Variants in C9orf85 observed in about 807,000 individuals in gnomAD.
The protein encoded by C9orf85 is chromosome 9 open reading frame 85.
A neutral mutation model predicts 14.9 loss-of-function variants in C9orf85; 16 were observed. That is an observed-to-expected ratio of 1.08 (90% CI 0.73 to 1.63). The LOEUF is 1.63. Among genes scored for constraint, C9orf85 ranks in the 40% most tolerant of loss-of-function variants. The probability of loss-of-function intolerance (pLI) is 0.00; values close to 1 mark genes in which losing one functional copy is unlikely to be tolerated. For synonymous variants in C9orf85, 45 were observed against 56.8 expected (o/e 0.79, Z 0.93); for missense variants, 172 against 186.1 (o/e 0.92, Z 0.44).
At chr9:71,977,216 TA>T (rs140317277), downstream of C9orf85, among the ~76,000 whole-genome samples, 4,217 of 149,924 alleles carry the variant, frequency 0.028, 121 homozygotes, top group African/African-American at 0.072. Flanking sequence ...TCTTTTGTTG[TA>T]AAAAAAAAAA....
intron 2 of C9orf85, among the ~76,000 whole-genome samples, chr9:71,964,513 C>CCGCACCCCCGTCGGGTGACCCCGGCGG (rs1822631545): frequency 6.6e-6 from 1 of 152,064 alleles, no homozygotes; most frequent in African/African-American, 2.4e-5. Flanking sequence ...ACTCCAGACG[C>CCGCACCCCCGTCGGGTGACCCCGGCGG]GCCGCCTTAA....
At chr9:71,950,589 C>A (rs1196554346) in intron 2 of C9orf85, among the ~76,000 whole-genome samples, 3 of 152,164 alleles carry the variant, frequency 2.0e-5, no homozygotes, top group African/African-American at 7.2e-5. Context: ...CCAGGCTGAT[C>A]TTGAACTCTT....
intron 2 of C9orf85, among the ~76,000 whole-genome samples, chr9:71,951,424 G>A (rs1454795582): frequency 6.6e-6 from 1 of 152,104 alleles, no homozygotes; most frequent in Non-Finnish European, 1.5e-5. Flanking sequence ...GTCTTTATAG[G>A]AATAAAGTGA....
At chr9:71,975,004 A>T (rs1822975577), downstream of C9orf85, among the ~76,000 whole-genome samples, 1 of 152,238 alleles carries the variant, frequency 6.6e-6, no homozygotes, top group South Asian at 2.1e-4. Flanking sequence ...ATACTTAAGG[A>T]TGTAATACTA....
intron 1 of C9orf85, among the ~76,000 whole-genome samples, chr9:71,919,752 C>A (rs1434014928): frequency 6.6e-6 from 1 of 152,098 alleles, no homozygotes; most frequent in Non-Finnish European, 1.5e-5. Flanking sequence ...TCTCTTCTCT[C>A]TTTCACACAG....
At chr9:71,955,202 A>G (rs1822353916) in intron 2 of C9orf85, among the ~76,000 whole-genome samples, 2 of 152,170 alleles carry the variant, frequency 1.3e-5, no homozygotes, top group South Asian at 4.1e-4. Context: ...GTATGTGTCT[A>G]TCAATTGGCA....
chr9:71,936,958 T>C (rs1299610363), intron 1 of C9orf85, among the ~76,000 whole-genome samples: 1 of 151,902 alleles, frequency 6.6e-6, no homozygotes, highest in African/African-American at 2.4e-5. Flanking sequence ...GGGATCTCCC[T>C]GTGTTGCCCA....
At chr9:71,918,442 T>C (rs1324271635) in intron 1 of C9orf85, 6 of 1,303,310 alleles carry the variant, frequency 4.6e-6, no homozygotes, top group Non-Finnish European at 6.1e-6. Context: ...CTGCAAACTC[T>C]AGTCATGATG....
At chr9:71,922,246 G>A (rs1163653775) in intron 1 of C9orf85, among the ~76,000 whole-genome samples, 3 of 151,950 alleles carry the variant, frequency 2.0e-5, no homozygotes, top group Non-Finnish European at 4.4e-5. Flanking sequence ...GCTGGTTGGT[G>A]TTTTAATGTC....
At chr9:71,965,775 A>G (rs1822674618) in intron 2 of C9orf85, among the ~76,000 whole-genome samples, 1 of 152,210 alleles carries the variant, frequency 6.6e-6, no homozygotes, top group Admixed American at 6.5e-5. Context: ...CTTTATCAAG[A>G]AACATGTAAA....
chr9:71,949,021 G>A (rs1238198731), intron 2 of C9orf85, among the ~76,000 whole-genome samples: 2 of 152,332 alleles, frequency 1.3e-5, no homozygotes, highest in South Asian at 4.1e-4. Context: ...CTCTGCTAGA[G>A]TAATTAGATG....
intron 2 of C9orf85, among the ~76,000 whole-genome samples, chr9:71,969,671 A>C (rs1822805102): frequency 6.6e-6 from 1 of 152,168 alleles, no homozygotes; most frequent in African/African-American, 2.4e-5. Context: ...GTAAAAGTTT[A>C]GATAACTTTT....
chr9:71,948,373 A>C (rs1399861355), intron 2 of C9orf85, among the ~76,000 whole-genome samples: 1 of 152,210 alleles, frequency 6.6e-6, no homozygotes, highest in Non-Finnish European at 1.5e-5. Context: ...TGTTTACTTC[A>C]AAATATTTGA....
At chr9:71,926,448 G>C (rs1370352851) in intron 1 of C9orf85, among the ~76,000 whole-genome samples, 1 of 152,082 alleles carries the variant, frequency 6.6e-6, no homozygotes, top group Non-Finnish European at 1.5e-5. Context: ...GAGCTAAGCA[G>C]ACTAAACTTT....
At chr9:71,922,287 T>C (rs1213519142) in intron 1 of C9orf85, among the ~76,000 whole-genome samples, 1 of 152,106 alleles carries the variant, frequency 6.6e-6, no homozygotes, top group Non-Finnish European at 1.5e-5. Context: ...TTATTACTTT[T>C]CCCTATTTGG....
chr9:71,948,077 A>C (rs1589259908), intron 2 of C9orf85, among the ~76,000 whole-genome samples: 1 of 152,342 alleles, frequency 6.6e-6, no homozygotes, highest in South Asian at 2.1e-4. Flanking sequence ...GAGAAAAGTG[A>C]TTATCTTAAA....
chr9:71,980,303 T>C (rs947585195), intron 3 of C9orf85, among the ~76,000 whole-genome samples: 4 of 152,116 alleles, frequency 2.6e-5, no homozygotes, highest in African/African-American at 9.6e-5. Flanking sequence ...TGTAAGCCAT[T>C]ACACCTGGCC....
chr9:71,941,059 T>C lies in C9orf85; in HGVS notation c.103-5947T>C, dbSNP rs374735877. ...GTGATGGTAGTATTGGAAGTTTGGTTGTCAGATTCATTAGAACTGTATACT... is the reference window on the plus strand; with the variant it reads ...GTGATGGTAGTATTGGAAGTTTGGTCGTCAGATTCATTAGAACTGTATACT... On this transcript the variant is annotated intron_variant, in intron 1 of 3. Coordinates refer to ENST00000334731, the MANE Select transcript of C9orf85 (RefSeq NM_182505.5). Among the ~76,000 whole-genome samples the C allele has an allele frequency of 3.3e-5, 5 of 152,342 alleles. No homozygotes were observed. In the South Asian group the frequency reaches 8.3e-4, roughly 25 times the overall value.
intron 2 of C9orf85, among the ~76,000 whole-genome samples, chr9:71,957,861 T>C (rs906505338): frequency 6.6e-6 from 1 of 152,170 alleles, no homozygotes; most frequent in Non-Finnish European, 1.5e-5. Context: ...GGAATGGCAT[T>C]GCAGAGAATA....
Sources: allele counts gnomAD v4.1 joint callset (sites outside exome capture counted in the v4.1 genomes callset), GRCh38; gene constraint gnomAD v4.1.1; transcripts MANE v1.5; gene names NCBI Gene and HGNC (gene_info 2026-07-23, HGNC 2026-07-21).